Variants in HMGN3 observed in about 807,000 individuals in gnomAD.
HMGN3 encodes high mobility group nucleosome-binding domain-containing protein 3.
Under a neutral mutation model 18.8 loss-of-function variants are expected in HMGN3, and 6 were observed. The observed-to-expected ratio is 0.32, with a 90% CI of 0.18 to 0.63. HMGN3 has a LOEUF of 0.63. Among genes scored for constraint, HMGN3 ranks in the 30% least tolerant of loss-of-function variants. The pLI, the probability that HMGN3 is intolerant of heterozygous loss-of-function variation, is 0.79. For synonymous variants in HMGN3, 40 were observed against 36.5 expected (o/e 1.10, Z -0.35); for missense variants, 107 against 114.2 (o/e 0.94, Z 0.29).
chr6:79,230,922 A>C (rs1295564562), intron 1 of HMGN3, among the ~76,000 whole-genome samples: 2 of 152,204 alleles, frequency 1.3e-5, no homozygotes, highest in Non-Finnish European at 2.9e-5. Context: ...TGGTTAGTTA[A>C]GCATCCCCTG....
chr6:79,205,976 CT>C lies in HMGN3; in HGVS notation c.97-2347del, dbSNP rs775796773. Among the ~76,000 whole-genome samples, 11 of 152,250 alleles carry C rather than the reference CT, an allele frequency of 7.2e-5. No homozygotes were observed. In the South Asian group the frequency reaches 1.9e-3, roughly 26 times the overall value. On this transcript the variant is annotated intron_variant, in intron 3 of 5. Coordinates refer to ENST00000344726, the Ensembl canonical transcript of HMGN3. ...CAAAGAGACTGGCAACATTTTGCCC[CT>C]GGTCTAGAGATTTGTGGAACTTTGA...
At chr6:79,228,601 T>G (rs1385105243) in intron 1 of HMGN3, among the ~76,000 whole-genome samples, 3 of 152,144 alleles carry the variant, frequency 2.0e-5, no homozygotes, top group African/African-American at 7.2e-5. Context: ...ATTCTAAAAT[T>G]TACATGAAAA....
intron 1 of HMGN3, among the ~76,000 whole-genome samples, chr6:79,216,466 T>C (rs953528335): frequency 6.6e-6 from 1 of 152,126 alleles, no homozygotes; most frequent in Non-Finnish European, 1.5e-5. Flanking sequence ...TTAGGAAAGA[T>C]AAAAGCTTTT....
chr6:79,209,853 C>A (rs1776599789), intron 2 of HMGN3, among the ~76,000 whole-genome samples: 1 of 152,180 alleles, frequency 6.6e-6, no homozygotes, highest in African/African-American at 2.4e-5. Context: ...AAACGAAGGG[C>A]CAGAGCCTCC....
chr6:79,208,832 A>G (rs1050117619), intron 2 of HMGN3, among the ~76,000 whole-genome samples: 21 of 152,324 alleles, frequency 1.4e-4, no homozygotes, highest in Admixed American at 4.6e-4. Flanking sequence ...GGTGTGGTGA[A>G]TAAGTAAGGG....
intron 5 of HMGN3, 134 bp from the exon 7 acceptor site, chr6:79,201,860 A>G: frequency 6.8e-7 from 1 of 1,460,094 alleles, no homozygotes; most frequent in Admixed American, 2.8e-5. Context: ...TGCAAAACCT[A>G]TTTCAACTCT....
intron 3 of HMGN3, among the ~76,000 whole-genome samples, chr6:79,207,716 G>T (rs1052125143): frequency 6.6e-6 from 1 of 152,122 alleles, no homozygotes; most frequent in African/African-American, 2.4e-5. Flanking sequence ...TCCTTATATT[G>T]TATCAGGCAC....
At chr6:79,209,688 G>A (rs924157593) in intron 2 of HMGN3, among the ~76,000 whole-genome samples, 1 of 152,212 alleles carries the variant, frequency 6.6e-6, no homozygotes, top group African/African-American at 2.4e-5. Context: ...TAATTATGAG[G>A]AATCATGGAA....
intron 2 of HMGN3, among the ~76,000 whole-genome samples, chr6:79,211,669 C>T (rs993392115): frequency 1.1e-4 from 16 of 151,978 alleles, no homozygotes; most frequent in African/African-American, 3.4e-4. Context: ...CAAACAGATA[C>T]GACAAATGTG....
chr6:79,223,102 G>A (rs1285381224), intron 1 of HMGN3, among the ~76,000 whole-genome samples: 1 of 152,196 alleles, frequency 6.6e-6, no homozygotes, highest in African/African-American at 2.4e-5. Flanking sequence ...ATATAGGCCA[G>A]GCACAGTGGC....
At chr6:79,220,175 T>C (rs1777202709) in intron 1 of HMGN3, among the ~76,000 whole-genome samples, 1 of 152,184 alleles carries the variant, frequency 6.6e-6, no homozygotes, top group Non-Finnish European at 1.5e-5. Context: ...TTTTAGACTT[T>C]GTTAAAATAA....
At chr6:79,224,213 TG>T (rs1777448398) in intron 1 of HMGN3, among the ~76,000 whole-genome samples, 1 of 152,190 alleles carries the variant, frequency 6.6e-6, no homozygotes, top group African/African-American at 2.4e-5. Flanking sequence ...ACAGAAGAGC[TG>T]GAATTCAGCT....
chr6:79,220,646 C>T (rs1777231817), intron 1 of HMGN3, among the ~76,000 whole-genome samples: 1 of 152,146 alleles, frequency 6.6e-6, no homozygotes, highest in Non-Finnish European at 1.5e-5. Flanking sequence ...GGGGTTTCAT[C>T]ATGTTGGTCA....
intron 1 of HMGN3, among the ~76,000 whole-genome samples, chr6:79,217,453 C>T (rs960135195): frequency 6.6e-6 from 1 of 152,090 alleles, no homozygotes; most frequent in Admixed American, 6.6e-5. Flanking sequence ...AAGGGTACTG[C>T]TTATGATCAA....
At chr6:79,227,246 G>A (rs1035270561) in intron 1 of HMGN3, among the ~76,000 whole-genome samples, 1 of 152,118 alleles carries the variant, frequency 6.6e-6, no homozygotes, top group African/African-American at 2.4e-5. Context: ...ATTATATGAA[G>A]ATATTTTTAA....
exon 6 of HMGN3, chr6:79,201,655 T>C: frequency 7.3e-7 from 1 of 1,374,624 alleles, no homozygotes; most frequent in Non-Finnish European, 1.0e-6. Flanking sequence ...TCCCAAGAGA[T>C]ACATAAAATC....
chr6:79,227,667 T>C (rs893366148), intron 1 of HMGN3, among the ~76,000 whole-genome samples: 2 of 152,124 alleles, frequency 1.3e-5, no homozygotes, highest in Non-Finnish European at 2.9e-5. Flanking sequence ...TCTTAGAGAA[T>C]TAGGAACTTA....
chr6:79,208,648 A>G (rs1248797509), intron 2 of HMGN3, 72 bp from the exon 3 acceptor site: 53 of 1,093,810 alleles, frequency 4.8e-5, no homozygotes, highest in Non-Finnish European at 7.4e-5. Flanking sequence ...TTAAAAATCT[A>G]TTCTTAATAT....
At chr6:79,210,844 AAAT>A in intron 2 of HMGN3, among the ~76,000 whole-genome samples, 1 of 152,072 alleles carries the variant, frequency 6.6e-6, no homozygotes, top group Non-Finnish European at 1.5e-5. Context: ...TGAACATACC[AAAT>A]AGACTAAGTG....
Sources: gnomAD v4.1 joint callset for allele counts (sites outside exome capture counted in the v4.1 genomes callset) on GRCh38, gnomAD v4.1.1 for gene constraint, MANE v1.5 for transcripts, NCBI Gene and HGNC (gene_info 2026-07-23, HGNC 2026-07-21) for gene names.